ALOXE3: variants seen among roughly 807,000 people sequenced by gnomAD.
The protein encoded by ALOXE3 is arachidonate epidermal lipoxygenase 3, also known as hydroperoxide isomerase ALOXE3.
In ALOXE3, 78 loss-of-function variants were observed where a neutral mutation model predicts 87.5. That is an observed-to-expected ratio of 0.89 (90% CI 0.74 to 1.08). The LOEUF is 1.08. ALOXE3 is among the 50% of genes least tolerant of loss of function. The pLI, the probability that ALOXE3 is intolerant of heterozygous loss-of-function variation, is 0.00. For synonymous variants in ALOXE3, 363 were observed against 370.8 expected, an observed-to-expected ratio of 0.98 and a Z score of 0.24; for missense variants, 946 against 912.4, an observed-to-expected ratio of 1.04 and a Z score of -0.47.
In ALOXE3 at chr17:8,109,983, C is replaced by A. The variant is rs1453630767; in HGVS notation, c.1325G>T (p.Arg442Leu). The change falls in exon 11 of 16, where the codon CGA becomes CTA. Residue 442 changes from arginine to leucine, a missense_variant. By Grantham distance (102) the Arg-to-Leu change is moderately radical. Transcript: ENST00000448843. ...GATGGTGTTCACCTGCAGCGTGTAT[C>A]GAGTGTGGGGGAGTAGGAGCTGCGA... is the stretch of plus-strand genomic sequence containing the variant. The part of the protein sequence containing the change: ...PIYKLLLPHT[R>L]YTLQVNTIAR... 7.7e-6 allele frequency: 12 copies of A among 1,552,854 alleles called. No homozygotes were observed. The highest frequency in any genetic ancestry group is 9.6e-6 in the Non-Finnish European group (11 of 1,147,720).
In ALOXE3 at chr17:8,111,361, C is replaced by T. The variant is rs1471175525; in HGVS notation, c.955G>A (p.Glu319Lys). The change falls in exon 8 of 16, where the codon GAG becomes AAG. Residue 319 changes from glutamate (E) to lysine (K), a missense_variant and splice_region_variant. Physicochemically the swap from Glu to Lys is moderately conservative, Grantham distance 56. Transcript: ENST00000448843. ...GQDTCLQTELERGNIFLADYW... is the reference protein window; with the variant it reads ...GQDTCLQTELKRGNIFLADYW... ...CCACTGCCCAGATCCTTACCCACCT[C>T]TAGCTCTGTCTGCAGGCATGTGTCC... 1.2e-6 allele frequency: 2 copies of T among 1,613,048 alleles called. No individual in the cohort carries two copies. Among genetic ancestry groups the T allele is most frequent in the Non-Finnish European group, 1.7e-6 (2 of 1,180,016 alleles).
chr17:8,109,871 G>A (rs1292816173), intron 11 of ALOXE3, 45 bp downstream of exon 11: 1 of 1,526,976 alleles, frequency 6.5e-7, no homozygotes, highest in Admixed American at 2.0e-5. Context: ...GCGGGGCAAA[G>A]CGTCTTCGGG....
upstream of ALOXE3, chr17:8,118,883 C>A: frequency 6.7e-7 from 1 of 1,497,108 alleles, no homozygotes; most frequent in Non-Finnish European, 8.9e-7. Flanking sequence ...TCAGAGAAGC[C>A]CATAGCCCGC....
chr17:8,100,710 C>T (rs1337993293), intron 15 of ALOXE3, among the ~76,000 whole-genome samples: 1 of 152,144 alleles, frequency 6.6e-6, no homozygotes. Context: ...CCTTGAACTC[C>T]TAGCCTCTAG....
chr17:8,106,050 A>G (rs1328699134), intron 13 of ALOXE3, among the ~76,000 whole-genome samples: 1 of 151,608 alleles, frequency 6.6e-6, no homozygotes, highest in Non-Finnish European at 1.5e-5. Flanking sequence ...GCAGTATTTC[A>G]GAGGATTAGC....
At position 8,115,598 on chromosome 17, in the gene ALOXE3, C is replaced by T; in HGVS notation, c.434+9G>A. On this transcript the variant is annotated intron_variant, in intron 4 of 15. Coordinates refer to ENST00000448843, the MANE Select transcript of ALOXE3 (RefSeq NM_021628.3). ...GATGGGGAAAGAAGTCAAATTAGGC[C>T]ACCCTCACCGGTAGCATTCTTGTCG... 6.2e-7 allele frequency: 1 copy of T among 1,610,156 alleles called. No individual in the cohort carries two copies. Among genetic ancestry groups the T allele is most frequent in the Non-Finnish European group, 8.5e-7 (1 of 1,176,420 alleles).
In ALOXE3 at chr17:8,106,051, G is replaced by A. The variant is rs138079003; in HGVS notation, c.1685-1836C>T. ...CATGTGGTTTCTGGGCAGTATTTCA[G>A]AGGATTAGCAGGGTGGTGGCCCTGC... On this transcript the variant is annotated intron_variant, in intron 13 of 15. Coordinates refer to ENST00000448843, the MANE Select transcript of ALOXE3 (RefSeq NM_021628.3). 2.0e-5 allele frequency among the ~76,000 whole-genome samples: 3 copies of A among 151,894 alleles called. No individual in the cohort carries two copies. In the South Asian group the frequency reaches 6.2e-4, roughly 32 times the overall value.
chr17:8,110,303 C>G lies in ALOXE3; in HGVS notation c.1102-8G>C. The stretch of plus-strand genomic sequence containing the variant: ...CCCGGGGGTCTGGCTGAGCTGCGTC[C>G]GAAAGGAACGAGGGATGATGGGGCT... On this transcript the variant is annotated splice_polypyrimidine_tract_variant and splice_region_variant and intron_variant, in intron 9 of 15. Coordinates refer to ENST00000448843, the MANE Select transcript of ALOXE3 (RefSeq NM_021628.3). 2 of 1,613,696 alleles carry G rather than the reference C, an allele frequency of 1.2e-6. No homozygotes were observed. Among genetic ancestry groups the G allele is most frequent in the Non-Finnish European group, 1.7e-6 (2 of 1,179,680 alleles).
intron 8 of ALOXE3, 37 bp from the exon 9 acceptor site, chr17:8,110,565 A>G: frequency 6.2e-7 from 1 of 1,612,610 alleles, no homozygotes; most frequent in Non-Finnish European, 8.5e-7. Flanking sequence ...GTCCCTCCCT[A>G]CTCGCGCTCC....
Position 8,111,435 on chromosome 17 carries a change from G to A in ALOXE3, c.881C>T (p.Pro294Leu). The A allele has an allele frequency of 6.2e-7, 1 of 1,614,092 alleles. No homozygotes were observed. The highest frequency in any genetic ancestry group is 8.5e-7 in the Non-Finnish European group (1 of 1,180,016). The change falls in exon 8 of 16, where the codon CCC becomes CTC. Residue 294 changes from proline (P) to leucine (L), a missense_variant. Transcript: ENST00000448843. The part of the protein sequence containing the change: ...PVMLHCISSL[P>L]SKLPVTNDMV... ...GTCATTGGTGACAGGCAGCTTGCTG[G>A]GCAAGCTAGAGATGCAGTGGAGCAT...
rs1979937456 is a variant in ALOXE3 at position 8,110,272 on chromosome 17, G to A, written c.1125C>T (p.Asp375=). 6.2e-7 allele frequency: 1 copy of A among 1,614,038 alleles called. No homozygotes were observed. The highest frequency in any genetic ancestry group is 2.2e-5 in the East Asian group (1 of 44,870). The part of the protein sequence containing the change: ...AIQLSQTPGP[D]SPIFLPTDSE... ...AGTCAGTGGGCAGGAAGATGGGGCTGTCAGGCCCGGGGGTCTGGCTGAGCT... is the reference window on the plus strand; with the variant it reads ...AGTCAGTGGGCAGGAAGATGGGGCTATCAGGCCCGGGGGTCTGGCTGAGCT... Residue 375 remains aspartate, a synonymous_variant, in exon 10 of 16, where the codon GAC becomes GAT. Transcript: ENST00000448843.
Position 8,116,108 on chromosome 17 carries a change from T to C in ALOXE3, c.353-420A>G, listed in dbSNP as rs561489472. ...TGTGGAGATGGATGAGAGTTTATAG[T>C]GAGGTCTATGGAAAACTTATTACGG... On this transcript the variant is annotated intron_variant, in intron 3 of 15. Coordinates refer to ENST00000448843, the MANE Select transcript of ALOXE3 (RefSeq NM_021628.3). Among the ~76,000 whole-genome samples, 189 of 152,370 alleles carry C rather than the reference T, an allele frequency of 1.2e-3. 1 individual carries two copies. The highest frequency in any genetic ancestry group is 4.4e-3 in the African/African-American group (181 of 41,586).
chr17:8,097,324 A>G (rs1978605848), intron 15 of ALOXE3, among the ~76,000 whole-genome samples: 1 of 152,136 alleles, frequency 6.6e-6, no homozygotes, highest in African/African-American at 2.4e-5. Context: ...TTCATACCTG[A>G]TCCAACTGCT....
At chr17:8,112,691 T>G (rs1171823029) in intron 6 of ALOXE3, among the ~76,000 whole-genome samples, 1 of 152,202 alleles carries the variant, frequency 6.6e-6, no homozygotes, top group Non-Finnish European at 1.5e-5. Flanking sequence ...CTTTGTACAC[T>G]GGAAGGTAGA....
Position 8,109,325 on chromosome 17 carries a change from G to A in ALOXE3, c.1411C>T (p.Gln471Ter). The A allele has an allele frequency of 1.2e-6, 2 of 1,613,908 alleles. No individual in the cohort carries two copies. Among genetic ancestry groups the A allele is most frequent in the South Asian group, 2.2e-5 (2 of 91,082 alleles). Residue 471 changes from glutamine (Q) to a stop codon, truncating the protein, a stop_gained, in exon 12 of 16, where the codon CAA (glutamine) becomes TAA (stop). Coordinates refer to ENST00000448843, the MANE Select transcript of ALOXE3 (RefSeq NM_021628.3). LOFTEE classifies it high-confidence loss of function. ...LVDQVTSIGR[Q>*]GLIYLMSTGL... ...GTGCTCATGAGGTAGATGAGGCCTT[G>A]CCTCCCGATGGACGTGACCTGAGGA... is the stretch of plus-strand genomic sequence containing the variant.
chr17:8,114,871 A>G, intron 5 of ALOXE3, 67 bp downstream of exon 5: 4 of 1,607,062 alleles, frequency 2.5e-6, no homozygotes, highest in Non-Finnish European at 3.4e-6. Flanking sequence ...GGCTATCAGG[A>G]CCCCATCCTC....
Position 8,114,609 on chromosome 17 carries a change from G to T in ALOXE3, c.555C>A (p.Ser185Arg), listed in dbSNP as rs1304550089. ...KTTTCVDQGDSSGNRYLPGFP... is the reference protein window; with the variant it reads ...KTTTCVDQGDRSGNRYLPGFP... ...AGCCGGGCAGGTACCGATTCCCACT[G>T]CTGGGGGTCGGGGGAGTAGAAAGAC... The change falls in exon 6 of 16, where the codon AGC (serine) becomes AGA (arginine). Residue 185 changes from serine to arginine, a missense_variant and splice_region_variant. Coordinates refer to ENST00000448843, the MANE Select transcript of ALOXE3 (RefSeq NM_021628.3). 1 of 1,613,804 alleles carries T rather than the reference G, an allele frequency of 6.2e-7. No homozygotes were observed. Among genetic ancestry groups the T allele is most frequent in the Non-Finnish European group, 8.5e-7 (1 of 1,179,960 alleles).
rs1980151956 is a variant in ALOXE3 at position 8,112,173 on chromosome 17, C to T, written c.704G>A (p.Gly235Glu). The T allele has an allele frequency of 6.2e-7, 1 of 1,614,016 alleles. No homozygotes were observed. Among genetic ancestry groups the T allele is most frequent in the South Asian group, 1.1e-5 (1 of 91,092 alleles). ...IPASLGMKLR[G>E]LLDRKGSWKK... Reference sequence around the variant, plus strand: ...CCAGGAGCCCTTGCGATCCAACAGCCCTCGAAGCTTCATTCCCAAGGACCT... The same window carrying T: ...CCAGGAGCCCTTGCGATCCAACAGCTCTCGAAGCTTCATTCCCAAGGACCT... Residue 235 changes from glycine (G) to glutamate (E), a missense_variant, in exon 7 of 16, where the codon GGG becomes GAG. Coordinates refer to ENST00000448843, the MANE Select transcript of ALOXE3 (RefSeq NM_021628.3).
Position 8,111,393 on chromosome 17 carries a change from A to G in ALOXE3, c.923T>C (p.Leu308Pro), listed in dbSNP as rs764052154. ...PVTNDMVAPL[L>P]GQDTCLQTEL... Reference sequence around the variant, plus strand: ...TGTCTGCAGGCATGTGTCCTGTCCCAGCAAGGGGGCCACCATGTCATTGGT... The same window carrying G: ...TGTCTGCAGGCATGTGTCCTGTCCCGGCAAGGGGGCCACCATGTCATTGGT... Residue 308 changes from leucine to proline, a missense_variant, in exon 8 of 16, where the codon CTG becomes CCG. By Grantham distance (98) the Leu-to-Pro change is moderately conservative. Coordinates refer to ENST00000448843, the MANE Select transcript of ALOXE3 (RefSeq NM_021628.3). 1.4e-5 allele frequency: 23 copies of G among 1,613,698 alleles called. No homozygotes were observed. Among genetic ancestry groups the G allele is most frequent in the Admixed American group, 1.7e-5 (1 of 60,000 alleles).
Sources: allele counts gnomAD v4.1 joint callset (sites outside exome capture counted in the v4.1 genomes callset), GRCh38; gene constraint gnomAD v4.1.1; transcripts MANE v1.5; gene names NCBI Gene and HGNC (gene_info 2026-07-23, HGNC 2026-07-21).